The following ADAM32 variants were observed in gnomAD, a reference collection of about 807,000 sequenced individuals.
ADAM32 encodes disintegrin and metalloproteinase domain-containing protein 32.
A neutral mutation model predicts 114.9 loss-of-function variants in ADAM32; 89 were observed. The ratio of observed to expected loss-of-function variants is 0.77; its 90% CI spans 0.65 to 0.92. ADAM32 has a LOEUF of 0.92. ADAM32 is among the 40% of genes least tolerant of loss of function. The pLI is 0.00. For missense variants in ADAM32, 870 were observed against 932.8 expected (o/e 0.93, Z 0.88); for synonymous variants, 285 against 307.5 (o/e 0.93, Z 0.77).
intron 6 of ADAM32, among the ~76,000 whole-genome samples, chr8:39,159,766 G>A (rs546582856): frequency 2.6e-5 from 4 of 152,160 alleles, no homozygotes; most frequent in African/African-American, 7.2e-5. Context: ...GGGAGCCACT[G>A]GACAGCTCAA....
intron 6 of ADAM32, among the ~76,000 whole-genome samples, chr8:39,160,166 A>G (rs1397576610): frequency 1.3e-5 from 2 of 152,200 alleles, no homozygotes; most frequent in African/African-American, 4.8e-5. Context: ...CAAACAAGTT[A>G]CAAAGCCCAG....
chr8:39,254,367 G>A, intron 17 of ADAM32, 47 bp from the exon 18 acceptor site: 2 of 1,447,312 alleles, frequency 1.4e-6, no homozygotes, highest in Non-Finnish European at 1.9e-6. Flanking sequence ...CACCTTCTCT[G>A]AGAAAATATT....
At chr8:39,126,154 G>T (rs908997234) in intron 2 of ADAM32, among the ~76,000 whole-genome samples, 2 of 152,018 alleles carry the variant, frequency 1.3e-5, no homozygotes, top group African/African-American at 4.8e-5. Context: ...GGCTCTTTGG[G>T]CTCTTTTTTG....
chr8:39,118,026 A>G, intron 1 of ADAM32, 60 bp from the exon 2 acceptor site: 1 of 1,105,172 alleles, frequency 9.0e-7, no homozygotes, highest in Non-Finnish European at 1.3e-6. Context: ...AAGAAACTGA[A>G]CAGATATTTA....
At chr8:39,175,021 G>A (rs1030672076) in intron 10 of ADAM32, among the ~76,000 whole-genome samples, 5 of 152,030 alleles carry the variant, frequency 3.3e-5, no homozygotes, top group Admixed American at 6.6e-5. Context: ...AGTTATTTTT[G>A]CATATTGATT....
intron 11 of ADAM32, among the ~76,000 whole-genome samples, chr8:39,202,685 GT>G (rs1446701398): frequency 6.6e-6 from 1 of 152,068 alleles, no homozygotes; most frequent in African/African-American, 2.4e-5. Context: ...TTTTGAATGT[GT>G]TTGCTCTTGC....
chr8:39,224,223 T>C (rs910482018), intron 14 of ADAM32: 1 of 152,182 alleles, frequency 6.6e-6, no homozygotes, highest in Non-Finnish European at 1.5e-5. Flanking sequence ...TTATGAATAA[T>C]GTAGCAATAA....
chr8:39,221,492 C>G (rs1564627028), intron 12 of ADAM32, 118 bp from the exon 13 acceptor site: 1 of 722,156 alleles, frequency 1.4e-6, no homozygotes, highest in Admixed American at 2.5e-5. Context: ...CTGTAACTAT[C>G]AGCAGCATTC....
At chr8:39,255,114 C>T (rs1811565540) in intron 18 of ADAM32, among the ~76,000 whole-genome samples, 1 of 151,898 alleles carries the variant, frequency 6.6e-6, no homozygotes, top group Admixed American at 6.6e-5. Flanking sequence ...TCTTTATTCA[C>T]TCACTGATTG....
chr8:39,134,553 C>G (rs1802672900), intron 2 of ADAM32, among the ~76,000 whole-genome samples: 1 of 152,086 alleles, frequency 6.6e-6, no homozygotes, highest in South Asian at 2.1e-4. Flanking sequence ...CTCCTAGATT[C>G]TCTGTTTGAC....
intron 3 of ADAM32, among the ~76,000 whole-genome samples, chr8:39,144,782 T>C (rs901763213): frequency 2.0e-5 from 3 of 152,190 alleles, no homozygotes; most frequent in African/African-American, 7.2e-5. Context: ...CCTCTTCTAT[T>C]CAACATAGTA....
In ADAM32 at chr8:39,157,256, T is replaced by C. The variant is rs570136240; in HGVS notation, c.526-3641T>C. ...AACTTTGGACACTTTGATTATAATA[T>C]GTTTTGGTGTGAATTCTTTTGAGTT... On this transcript the variant is annotated intron_variant, in intron 6 of 24. Transcript: ENST00000379907. Among the ~76,000 whole-genome samples the C allele has an allele frequency of 3.2e-4, 49 of 152,218 alleles. 1 individual carries two copies. Among genetic ancestry groups the C allele is most frequent in the Non-Finnish European group, 6.2e-4 (42 of 68,036 alleles).
chr8:39,138,867 T>A (rs969887527), intron 3 of ADAM32, among the ~76,000 whole-genome samples: 1 of 152,248 alleles, frequency 6.6e-6, no homozygotes, highest in Non-Finnish European at 1.5e-5. Flanking sequence ...ATTGCTGTTC[T>A]AAGTGGCGTG....
In ADAM32 at chr8:39,180,437, C is replaced by T. The variant is rs573404730; in HGVS notation, c.916-6472C>T. Among the ~76,000 whole-genome samples the T allele has an allele frequency of 2.1e-4, 32 of 152,346 alleles. 1 individual carries two copies. In the South Asian group the frequency reaches 2.9e-3, roughly 14 times the overall value. Reference sequence around the variant, plus strand: ...TGCCTCTGTGGGCTCCTTTGCGGCCCGAGCCTCCCCGACGAGCGCTGCCCC... The same window carrying T: ...TGCCTCTGTGGGCTCCTTTGCGGCCTGAGCCTCCCCGACGAGCGCTGCCCC... On this transcript the variant is annotated intron_variant, in intron 10 of 24. Transcript: ENST00000379907.
intron 6 of ADAM32, among the ~76,000 whole-genome samples, chr8:39,152,971 A>G (rs1459937674): frequency 2.6e-5 from 4 of 152,188 alleles, no homozygotes; most frequent in Non-Finnish European, 5.9e-5. Context: ...ACATACTGAC[A>G]TGTAATGGTC....
chr8:39,174,200 G>A (rs1179153791), intron 10 of ADAM32, among the ~76,000 whole-genome samples: 5 of 152,128 alleles, frequency 3.3e-5, no homozygotes. Context: ...GTTCTCCCAG[G>A]TCCATTTATT....
chr8:39,199,194 C>G (rs1355101772), intron 11 of ADAM32, among the ~76,000 whole-genome samples: 1 of 152,118 alleles, frequency 6.6e-6, no homozygotes, highest in East Asian at 1.9e-4. Context: ...TGAACAAGAC[C>G]TTTTTGGGTT....
At chr8:39,173,048 A>G (rs1293087505) in intron 10 of ADAM32, among the ~76,000 whole-genome samples, 1 of 152,222 alleles carries the variant, frequency 6.6e-6, no homozygotes, top group Non-Finnish European at 1.5e-5. Context: ...TCACGAGGTC[A>G]GGAGTTTGAG....
chr8:39,152,004 T>C (rs1803866360), intron 6 of ADAM32, among the ~76,000 whole-genome samples: 1 of 152,170 alleles, frequency 6.6e-6, no homozygotes. Flanking sequence ...GAAACCATAC[T>C]TTTTATGATT....
Sources: gnomAD v4.1 joint callset for allele counts (sites outside exome capture counted in the v4.1 genomes callset) on GRCh38, gnomAD v4.1.1 for gene constraint, MANE v1.5 for transcripts, NCBI Gene and HGNC (gene_info 2026-07-23, HGNC 2026-07-21) for gene names.